The following SORBS3 variants were observed in gnomAD, a reference collection of about 807,000 sequenced individuals.
SORBS3 encodes vinexin.
Under a neutral mutation model 98.0 loss-of-function variants are expected in SORBS3, and 69 were observed. The observed-to-expected ratio is 0.70, with a 90% CI of 0.58 to 0.86. The LOEUF is 0.86. SORBS3 is among the 40% of genes least tolerant of loss of function. The pLI is 0.00. For missense variants in SORBS3, 954 were observed against 908.5 expected, an observed-to-expected ratio of 1.05 and a Z score of -0.64; for synonymous variants, 394 against 355.4, an observed-to-expected ratio of 1.11 and a Z score of -1.22.
chr8:22,564,589 A>G, intron 10 of SORBS3, 68 bp downstream of exon 10: 1 of 1,590,796 alleles, frequency 6.3e-7, no homozygotes, highest in Non-Finnish European at 8.6e-7. Context: ...TGGTGGCCCC[A>G]GTAACCATGG....
At chr8:22,566,781 G>T in intron 14 of SORBS3, 41 bp from the exon 15 acceptor site, 1 of 1,613,690 alleles carries the variant, frequency 6.2e-7, no homozygotes, top group Non-Finnish European at 8.5e-7. Context: ...TCTGCCACCC[G>T]CCCAACTGAG....
At chr8:22,547,327 C>CTT (rs5890043), upstream of SORBS3, among the ~76,000 whole-genome samples, 281 of 146,930 alleles carry the variant, frequency 1.9e-3, 1 homozygote, top group African/African-American at 4.9e-3. Context: ...ATGGTCTTGC[C>CTT]TTTTTTTTTT....
intron 10 of SORBS3, chr8:22,564,819 G>C: frequency 2.3e-6 from 3 of 1,310,304 alleles, no homozygotes; most frequent in Non-Finnish European, 2.9e-6. Flanking sequence ...GAGAAGCTCC[G>C]AGGGCCTGAT....
At chr8:22,561,553 A>T in intron 6 of SORBS3, 180 bp downstream of exon 6, 1 of 676,702 alleles carries the variant, frequency 1.5e-6, no homozygotes, top group Non-Finnish European at 2.6e-6. Flanking sequence ...GGTAATTAAC[A>T]GCCTCAGCTT....
At chr8:22,564,555 G>C in intron 10 of SORBS3, 34 bp downstream of exon 10, 1 of 1,612,944 alleles carries the variant, frequency 6.2e-7, no homozygotes, top group South Asian at 1.1e-5. Flanking sequence ...ACAGCAGCCT[G>C]ATAAACCAGG....
Position 22,559,387 on chromosome 8 carries a change from A to G in SORBS3, c.478+1195A>G, listed in dbSNP as rs1240745164. On this transcript the variant is annotated intron_variant, in intron 5 of 20. Coordinates refer to ENST00000240123, the MANE Select transcript of SORBS3 (RefSeq NM_005775.5). ...TGAAGATTGGAGTTGCCATTTGTCA[A>G]AACAGAAAAGACTGTAGGAGTAGCA... 3.9e-5 allele frequency among the ~76,000 whole-genome samples: 6 copies of G among 152,322 alleles called. No homozygotes were observed. The East Asian group carries it at 9.6e-4, about 24-fold the overall frequency.
Position 22,565,841 on chromosome 8 carries a change from C to A in SORBS3, c.919C>A (p.Arg307=). ...LPSPKSSPAP[R]RAPEQRPPAG... The stretch of plus-strand genomic sequence containing the variant: ...CCCCGCGCAGAGCTCGCCGGCGCCC[C>A]GACGGGCCCCGGAGCAGCGGCCCCC... The change falls in exon 12 of 21, where the codon CGA becomes AGA. Residue 307 remains arginine, a synonymous_variant. Coordinates refer to ENST00000240123, the MANE Select transcript of SORBS3 (RefSeq NM_005775.5). 7.7e-7 allele frequency: 1 copy of A among 1,297,558 alleles called. No homozygotes were observed. Among genetic ancestry groups the A allele is most frequent in the Non-Finnish European group, 9.8e-7 (1 of 1,020,506 alleles). 80.4% of individuals were successfully genotyped at this position (1,297,558 alleles called of 1,614,324 possible). A position where few individuals can be genotyped will look rare whatever the true frequency, so the allele number is the denominator to read the frequency against.
intron 16 of SORBS3, among the ~76,000 whole-genome samples, chr8:22,568,188 C>T (rs907190643): frequency 3.3e-5 from 5 of 152,050 alleles, no homozygotes; most frequent in African/African-American, 9.7e-5. Flanking sequence ...TGGCAATTTG[C>T]GTCTTCTCTT....
chr8:22,554,643 G>A lies in SORBS3; in HGVS notation c.102+35G>A. ...TCAGTAGGGAGGAGGGTGTCCTGCG[G>A]GCCCGGAGTTGGTTGGGACGCTAGC... On this transcript the variant is annotated intron_variant, in intron 2 of 20. Coordinates refer to ENST00000240123, the MANE Select transcript of SORBS3 (RefSeq NM_005775.5). This position sits in a 1 kb window ranked among gnomAD's most constrained non-coding sequence, Gnocchi z 6.5. 1 of 1,585,700 alleles carries A rather than the reference G, an allele frequency of 6.3e-7. No individual in the cohort carries two copies. The highest frequency in any genetic ancestry group is 2.3e-5 in the East Asian group (1 of 43,550).
chr8:22,557,642 TA>T (rs34973499), intron 4 of SORBS3, among the ~76,000 whole-genome samples: 55,961 of 148,440 alleles, frequency 0.38, 10,498 homozygotes, highest in East Asian at 0.51. Flanking sequence ...CCTGTCTCTA[TA>T]AAAAAAAAAA....
chr8:22,558,046 A>G (rs185587677), intron 4 of SORBS3, 83 bp from the exon 5 acceptor site: 185 of 1,324,642 alleles, frequency 1.4e-4, no homozygotes, highest in Middle Eastern at 3.6e-4. Context: ...CAGAGAAGGG[A>G]CTCACTAGGG....
At chr8:22,566,784 C>T in intron 14 of SORBS3, 38 bp from the exon 15 acceptor site, 1 of 1,613,866 alleles carries the variant, frequency 6.2e-7, no homozygotes, top group Non-Finnish European at 8.5e-7. Flanking sequence ...GCCACCCGCC[C>T]AACTGAGAGA....
intron 5 of SORBS3, among the ~76,000 whole-genome samples, chr8:22,560,453 G>A (rs1840269193): frequency 6.6e-6 from 1 of 152,198 alleles, no homozygotes; most frequent in Non-Finnish European, 1.5e-5. Flanking sequence ...CAACTGAGAA[G>A]GTAGAGCCAG....
Position 22,555,806 on chromosome 8 carries a change from G to A in SORBS3, c.220+826G>A, listed in dbSNP as rs563323789. On this transcript the variant is annotated intron_variant, in intron 3 of 20. Transcript: ENST00000240123. ...GTGGAGGTTGCAGTGAGCTGAGATC[G>A]TGCCACTGCACTCCAGCCTGGGCAA... Among the ~76,000 whole-genome samples, 11 of 150,068 alleles carry A rather than the reference G, an allele frequency of 7.3e-5. No individual in the cohort carries two copies. In the South Asian group the frequency reaches 1.3e-3, roughly 17 times the overall value.
intron 20 of SORBS3, among the ~76,000 whole-genome samples, chr8:22,573,652 T>G (rs1586911022): frequency 2.3e-5 from 3 of 131,612 alleles, no homozygotes; most frequent in African/African-American, 8.9e-5. Flanking sequence ...GAAAGGGAGG[T>G]ACTCGGGGCA....
intron 5 of SORBS3, among the ~76,000 whole-genome samples, chr8:22,558,586 G>A (rs945402554): frequency 3.9e-5 from 6 of 152,198 alleles, no homozygotes; most frequent in South Asian, 2.1e-4. Context: ...AGCTGGCTCC[G>A]AGGTCACCCA....
intron 17 of SORBS3, among the ~76,000 whole-genome samples, chr8:22,570,624 A>T (rs1465193992): frequency 1.3e-5 from 2 of 152,182 alleles, no homozygotes; most frequent in African/African-American, 4.8e-5. Flanking sequence ...CTCACCTGTG[A>T]TCGGAGCTCT....
rs1840423897 is a variant in SORBS3, at chr8:22,566,451, CGGA to C, written c.1060_1062del (p.Arg354del). The C allele has an allele frequency of 6.2e-7, 1 of 1,613,854 alleles. No individual in the cohort carries two copies. ...TGATGGAGGAAGCCCCTTCCTAGGTCGGAGGGACTTTGTCTACCCTTCCTCAAC... is the reference window on the plus strand; with the variant it reads ...TGATGGAGGAAGCCCCTTCCTAGGTCGGGACTTTGTCTACCCTTCCTCAAC... On this transcript the variant is annotated inframe_deletion, in exon 13 of 21. Transcript: ENST00000240123.
intron 5 of SORBS3, among the ~76,000 whole-genome samples, chr8:22,558,721 A>G (rs1840234650): frequency 6.6e-6 from 1 of 152,266 alleles, no homozygotes; most frequent in African/African-American, 2.4e-5. Flanking sequence ...AGATGGTGGA[A>G]AGGGCTAGGG....
Sources: gnomAD v4.1 joint callset for allele counts (sites outside exome capture counted in the v4.1 genomes callset) on GRCh38, gnomAD v4.1.1 for gene constraint, Gnocchi (gnomAD v3.1) non-coding constraint, MANE v1.5 for transcripts, NCBI Gene and HGNC (gene_info 2026-07-23, HGNC 2026-07-21) for gene names.